The following PDZRN4 variants were observed in gnomAD, a reference collection of about 807,000 sequenced individuals.
The protein encoded by PDZRN4 is PDZ domain containing ring finger 4.
In PDZRN4, 70 loss-of-function variants were observed where a neutral mutation model predicts 99.0. That is an observed-to-expected ratio of 0.71 (90% CI 0.58 to 0.86). The LOEUF is 0.86. Ranked by LOEUF, PDZRN4 falls within the 40% of genes least tolerant of loss-of-function variation. The pLI is 0.00. For missense variants in PDZRN4, 1,474 were observed against 1,331.2 expected (o/e 1.11, Z -1.67); for synonymous variants, 551 against 501.6 (o/e 1.10, Z -1.32).
chr12:41,297,707 T>G (rs896724965), intron 3 of PDZRN4, among the ~76,000 whole-genome samples: 1 of 152,124 alleles, frequency 6.6e-6, no homozygotes, highest in Non-Finnish European at 1.5e-5. Context: ...TCCTCTTCCT[T>G]CTCCAGCCAA....
At chr12:41,568,376 C>T (rs1231937312) in intron 9 of PDZRN4, among the ~76,000 whole-genome samples, 1 of 152,130 alleles carries the variant, frequency 6.6e-6, no homozygotes, top group Non-Finnish European at 1.5e-5. Flanking sequence ...GTGATTACAC[C>T]TGTATATTCT....
chr12:41,332,060 C>T (rs1951743903), intron 3 of PDZRN4, among the ~76,000 whole-genome samples: 2 of 152,040 alleles, frequency 1.3e-5, no homozygotes, highest in African/African-American at 4.8e-5. Context: ...AGGAAGTGAG[C>T]TTAATTGAGA....
chr12:41,444,640 ATGACAGAT>A (rs1176679721), intron 3 of PDZRN4, among the ~76,000 whole-genome samples: 1 of 152,186 alleles, frequency 6.6e-6, no homozygotes, highest in Non-Finnish European at 1.5e-5. Flanking sequence ...AACTTTAGAT[ATGACAGAT>A]TGTCAAAAAT....
At chr12:41,510,080 T>C (rs1184446171) in intron 5 of PDZRN4, among the ~76,000 whole-genome samples, 167 bp downstream of exon 5, 1 of 152,174 alleles carries the variant, frequency 6.6e-6, no homozygotes, top group Non-Finnish European at 1.5e-5. Context: ...TCTCGTGTTT[T>C]AAGTATATTG....
At chr12:41,267,510 T>G (rs1278622253) in intron 3 of PDZRN4, among the ~76,000 whole-genome samples, 2 of 151,960 alleles carry the variant, frequency 1.3e-5, no homozygotes, top group African/African-American at 4.8e-5. Context: ...TCTATGATAT[T>G]GATAAAAATT....
intron 3 of PDZRN4, 149 bp from the exon 4 acceptor site, chr12:41,506,305 ACT>A: frequency 1.7e-6 from 1 of 597,186 alleles, no homozygotes; most frequent in South Asian, 3.0e-5. Flanking sequence ...GTTGGTAAAG[ACT>A]TCAGTAAATA....
At chr12:41,343,731 C>T (rs61924562) in intron 3 of PDZRN4, among the ~76,000 whole-genome samples, 3 of 43,428 alleles carry the variant, frequency 6.9e-5, no homozygotes, top group African/African-American at 1.0e-4. Context: ...AGGAGAGAGG[C>T]TTTTGAATGG....
chr12:41,294,803 T>A (rs1364626861), intron 3 of PDZRN4, among the ~76,000 whole-genome samples: 2 of 152,108 alleles, frequency 1.3e-5, no homozygotes, highest in Non-Finnish European at 2.9e-5. Flanking sequence ...ATCTAAGAGA[T>A]CTTTTCAACA....
At chr12:41,297,811 C>A (rs1951505920) in intron 3 of PDZRN4, among the ~76,000 whole-genome samples, 1 of 151,898 alleles carries the variant, frequency 6.6e-6, no homozygotes, top group African/African-American at 2.4e-5. Context: ...TAAAAGAACA[C>A]AAAAAATTAA....
chr12:41,513,163 G>A (rs1408285809), intron 5 of PDZRN4, among the ~76,000 whole-genome samples: 2 of 151,852 alleles, frequency 1.3e-5, no homozygotes, highest in African/African-American at 4.8e-5. Context: ...ACATATTTAG[G>A]GACTTTTAAC....
chr12:41,343,038 A>G (rs747620327), intron 3 of PDZRN4, among the ~76,000 whole-genome samples: 10 of 151,984 alleles, frequency 6.6e-5, no homozygotes, highest in Non-Finnish European at 1.2e-4. Context: ...AACCCTATTC[A>G]GCCATGAAAA....
chr12:41,355,573 A>G (rs1360675548), intron 3 of PDZRN4, among the ~76,000 whole-genome samples: 1 of 152,128 alleles, frequency 6.6e-6, no homozygotes, highest in African/African-American at 2.4e-5. Flanking sequence ...TTTAATAACA[A>G]AACATTTGCA....
At chr12:41,440,325 C>T (rs377509298) in intron 3 of PDZRN4, among the ~76,000 whole-genome samples, 28 of 151,934 alleles carry the variant, frequency 1.8e-4, no homozygotes, top group Non-Finnish European at 2.8e-4. Flanking sequence ...AGATTAGCAG[C>T]GATCACGAAA....
chr12:41,564,170 T>C (rs1017793480), intron 8 of PDZRN4, among the ~76,000 whole-genome samples: 1 of 152,228 alleles, frequency 6.6e-6, no homozygotes, highest in African/African-American at 2.4e-5. Flanking sequence ...AACTTAAATC[T>C]TTTTAAAATA....
intron 3 of PDZRN4, among the ~76,000 whole-genome samples, chr12:41,256,728 C>T (rs906430208): frequency 1.3e-5 from 2 of 152,144 alleles, no homozygotes; most frequent in Non-Finnish European, 2.9e-5. Flanking sequence ...GTCTACCTGG[C>T]TACCTTCTTG....
chr12:41,437,516 T>C (rs1200271346), intron 3 of PDZRN4, among the ~76,000 whole-genome samples: 1 of 152,170 alleles, frequency 6.6e-6, no homozygotes, highest in Non-Finnish European at 1.5e-5. Flanking sequence ...CACAAGTGAA[T>C]TTTGTTTAAC....
intron 3 of PDZRN4, among the ~76,000 whole-genome samples, chr12:41,298,687 A>T (rs925596327): frequency 3.3e-5 from 5 of 152,144 alleles, no homozygotes; most frequent in African/African-American, 1.2e-4. Context: ...ATTAGTTCTG[A>T]TACCATTAAC....
intron 3 of PDZRN4, among the ~76,000 whole-genome samples, chr12:41,372,396 A>G (rs891922911): frequency 1.3e-5 from 2 of 152,184 alleles, no homozygotes; most frequent in Non-Finnish European, 2.9e-5. Context: ...GTAGATAATA[A>G]TTAAATAAGC....
At chr12:41,514,760 G>C (rs754410612) in intron 5 of PDZRN4, among the ~76,000 whole-genome samples, 4 of 152,084 alleles carry the variant, frequency 2.6e-5, no homozygotes, top group Non-Finnish European at 4.4e-5. Context: ...CCACTGTCCA[G>C]TTATAACAAA....
Sources: allele counts gnomAD v4.1 joint callset (sites outside exome capture counted in the v4.1 genomes callset), GRCh38; gene constraint gnomAD v4.1.1; transcripts MANE v1.5; gene names NCBI Gene and HGNC (gene_info 2026-07-23, HGNC 2026-07-21).